SYT9: variants seen among roughly 807,000 people sequenced by gnomAD.
The protein encoded by SYT9 is synaptotagmin 9.
A neutral mutation model predicts 48.4 loss-of-function variants in SYT9; 22 were observed. The ratio of observed to expected loss-of-function variants is 0.45; its 90% CI spans 0.32 to 0.65. The LOEUF is 0.65. SYT9 is among the 30% of genes least tolerant of loss of function. SYT9 has a pLI of 0.03. For synonymous variants in SYT9, 265 were observed against 245.0 expected, an observed-to-expected ratio of 1.08 and a Z score of -0.76; for missense variants, 577 against 622.0, an observed-to-expected ratio of 0.93 and a Z score of 0.77.
upstream of SYT9, among the ~76,000 whole-genome samples, chr11:7,248,204 C>T (rs566004189): frequency 1.9e-3 from 290 of 151,258 alleles, 1 homozygote; most frequent in African/African-American, 5.8e-3. Flanking sequence ...TGTTTGAGTT[C>T]GTTGTAGATT....
rs117532647 is a variant in SYT9, at chr11:7,252,206, C to T, written c.20C>T (p.Ala7Val). 4,139 of 1,471,986 alleles carry T rather than the reference C, an allele frequency of 2.8e-3. 212 individuals carry two copies. In the East Asian group the frequency reaches 0.1, roughly 36 times the overall value. 91.2% of individuals were successfully genotyped at this position (1,471,986 alleles called of 1,614,324 possible). ...GGGGCGATGCCCGGGGCCAGGGACG[C>T]GCTCTGTCACCAGGCGCTGCAGCTG... MPGARD[A>V]LCHQALQLLA... is the part of the protein sequence containing the mutation. The change falls in exon 1 of 7, where the codon GCG becomes GTG. Residue 7 changes from alanine to valine, a missense_variant. Transcript: ENST00000318881. The surrounding 1 kb of genome is among the most constrained non-coding windows in gnomAD (Gnocchi z 6.3).
chr11:7,467,822 A>C lies in SYT9; in HGVS notation c.*1022A>C, dbSNP rs1232540272. 1 of 154,236 alleles carries C rather than the reference A, an allele frequency of 6.5e-6. No homozygotes were observed. The highest frequency in any genetic ancestry group is 1.4e-5 in the Non-Finnish European group (1 of 69,528). 9.6% of individuals were successfully genotyped at this position (154,236 alleles called of 1,614,324 possible). A position where few individuals can be genotyped will look rare whatever the true frequency, so the allele number is the denominator to read the frequency against. ...CATAGCCTTGGGCAACCACACATAG[A>C]GGTTTCCTTCTCACTTCAGACACAT... On this transcript the variant is annotated 3_prime_UTR_variant, in exon 7 of 7. Coordinates refer to ENST00000318881, the MANE Select transcript of SYT9 (RefSeq NM_175733.4).
At chr11:7,354,836 C>A (rs917056598) in intron 3 of SYT9, among the ~76,000 whole-genome samples, 1 of 152,098 alleles carries the variant, frequency 6.6e-6, no homozygotes, top group Non-Finnish European at 1.5e-5. Flanking sequence ...CCTTCCCAAG[C>A]ACAGTGATAT....
intron 1 of SYT9, among the ~76,000 whole-genome samples, chr11:7,292,771 A>G (rs1437779477): frequency 1.3e-5 from 2 of 152,216 alleles, no homozygotes; most frequent in African/African-American, 4.8e-5. Context: ...CCAGAATCCA[A>G]TGGTGTAGAA....
At chr11:7,325,212 A>G (rs1849408672) in intron 3 of SYT9, among the ~76,000 whole-genome samples, 1 of 142,220 alleles carries the variant, frequency 7.0e-6, no homozygotes, top group South Asian at 2.5e-4. Context: ...CAGTATGGCC[A>G]TTTTCACGAT....
At chr11:7,379,501 A>G (rs141533873) in intron 3 of SYT9, among the ~76,000 whole-genome samples, 1 of 152,268 alleles carries the variant, frequency 6.6e-6, no homozygotes, top group African/African-American at 2.4e-5. Flanking sequence ...TTGTGGTTTT[A>G]GACTGTGATA....
At chr11:7,303,446 C>CAG in intron 2 of SYT9, 56 bp downstream of exon 2, 1 of 1,442,120 alleles carries the variant, frequency 6.9e-7, no homozygotes, top group Non-Finnish European at 9.3e-7. Context: ...ATTCCCCTCT[C>CAG]TGGCAACAAT....
intron 3 of SYT9, among the ~76,000 whole-genome samples, chr11:7,372,238 A>T (rs1850374980): frequency 6.6e-6 from 1 of 152,106 alleles, no homozygotes; most frequent in African/African-American, 2.4e-5. Context: ...ATGACTAATG[A>T]TGAGCACCAT....
Position 7,315,649 on chromosome 11 carries a change from G to A in SYT9, c.1044+1708G>A, listed in dbSNP as rs11041311. The stretch of plus-strand genomic sequence containing the variant: ...TTGTGGTGAGAGCAACGTTGACTGC[G>A]CAGTGGCTGATACAAATCTGGATAA... On this transcript the variant is annotated intron_variant, in intron 3 of 6. Coordinates refer to ENST00000318881, the MANE Select transcript of SYT9 (RefSeq NM_175733.4). Among the ~76,000 whole-genome samples, 533 of 152,322 alleles carry A rather than the reference G, an allele frequency of 3.5e-3. 20 individuals carry two copies. In the East Asian group the frequency reaches 0.082, roughly 24 times the overall value.
intron 6 of SYT9, chr11:7,427,130 ATGAAT>A (rs1348444222): frequency 1.9e-4 from 29 of 152,210 alleles, no homozygotes; most frequent in African/African-American, 2.7e-4. Context: ...TATATATAGA[ATGAAT>A]TGAGTTCCCT....
intron 3 of SYT9, among the ~76,000 whole-genome samples, chr11:7,385,912 G>A (rs1489941618): frequency 1.3e-5 from 2 of 152,160 alleles, no homozygotes; most frequent in Non-Finnish European, 2.9e-5. Flanking sequence ...AGTCTGTCAA[G>A]TTGGAATCTG....
intron 3 of SYT9, among the ~76,000 whole-genome samples, chr11:7,353,707 A>G (rs1849963203): frequency 6.6e-6 from 1 of 150,810 alleles, no homozygotes; most frequent in African/African-American, 2.4e-5. Context: ...TATAGTATTT[A>G]TTTATATTAA....
At position 7,389,588 on chromosome 11, in the gene SYT9, G is replaced by C. The variant is rs1398120540; in HGVS notation, c.1045-26454G>C. On this transcript the variant is annotated intron_variant, in intron 3 of 6. Coordinates refer to ENST00000318881, the MANE Select transcript of SYT9 (RefSeq NM_175733.4). ...ATTAATTTATATTGTAGGACATTATGAATGTCCTACAATCTTAGGCAAACC... is the reference window on the plus strand; with the variant it reads ...ATTAATTTATATTGTAGGACATTATCAATGTCCTACAATCTTAGGCAAACC... Among the ~76,000 whole-genome samples, 4 of 152,034 alleles carry C rather than the reference G, an allele frequency of 2.6e-5. No homozygotes were observed. The East Asian group carries it at 7.7e-4, about 29-fold the overall frequency.
chr11:7,252,170 G>C lies in SYT9; in HGVS notation c.-17G>C. On this transcript the variant is annotated 5_prime_UTR_variant, in exon 1 of 7. Coordinates refer to ENST00000318881, the MANE Select transcript of SYT9 (RefSeq NM_175733.4). The surrounding 1 kb of genome is among the most constrained non-coding windows in gnomAD (Gnocchi z 6.3). ...TGCGCCCGCCTGCCCGGCGCGGTCCGAGGATGCGGGGGGGCGATGCCCGGG... is the reference window on the plus strand; with the variant it reads ...TGCGCCCGCCTGCCCGGCGCGGTCCCAGGATGCGGGGGGGCGATGCCCGGG... The C allele has an allele frequency of 1.4e-6, 2 of 1,430,506 alleles. No homozygotes were observed. The highest frequency in any genetic ancestry group is 1.5e-5 in the South Asian group (1 of 68,750). The allele number at this position is 1,430,506 out of a possible 1,614,324, so 88.6% of individuals were successfully genotyped here.
At chr11:7,362,731 C>T (rs769579161) in intron 3 of SYT9, among the ~76,000 whole-genome samples, 1 of 152,074 alleles carries the variant, frequency 6.6e-6, no homozygotes. Flanking sequence ...TTGCTTTCAA[C>T]ATTAATGTGT....
intron 3 of SYT9, among the ~76,000 whole-genome samples, chr11:7,408,199 G>A (rs1847060172): frequency 6.6e-6 from 1 of 152,162 alleles, no homozygotes. Flanking sequence ...CATGATCTCT[G>A]CTTACCGCAA....
intron 6 of SYT9, among the ~76,000 whole-genome samples, chr11:7,458,995 G>T (rs1848197971): frequency 6.6e-6 from 1 of 152,244 alleles, no homozygotes; most frequent in African/African-American, 2.4e-5. Context: ...CTATAATCTA[G>T]ATGGCAATAA....
At chr11:7,364,682 T>C (rs779711598) in intron 3 of SYT9, among the ~76,000 whole-genome samples, 7 of 152,202 alleles carry the variant, frequency 4.6e-5, no homozygotes, top group Non-Finnish European at 1.0e-4. Flanking sequence ...TGTCTCTTCA[T>C]TGGCCTTATT....
intron 3 of SYT9, among the ~76,000 whole-genome samples, chr11:7,415,591 G>A (rs1378772630): frequency 6.6e-6 from 1 of 152,100 alleles, no homozygotes; most frequent in Non-Finnish European, 1.5e-5. Context: ...CGTGGGTGGG[G>A]CACTACAGTA....
Sources: allele counts gnomAD v4.1 joint callset (sites outside exome capture counted in the v4.1 genomes callset), GRCh38; gene constraint gnomAD v4.1.1; non-coding constraint Gnocchi (gnomAD v3.1); transcripts MANE v1.5; gene names NCBI Gene and HGNC (gene_info 2026-07-23, HGNC 2026-07-21).